The following MERTK variants were observed in gnomAD, a reference collection of about 807,000 sequenced individuals.
MERTK encodes tyrosine-protein kinase Mer.
Under a neutral mutation model 99.3 loss-of-function variants are expected in MERTK, and 69 were observed. That is an observed-to-expected ratio of 0.70 (90% CI 0.57 to 0.85). The LOEUF is 0.85. Ranked by LOEUF, MERTK falls within the 40% of genes least tolerant of loss-of-function variation. The pLI, the probability that MERTK is intolerant of heterozygous loss-of-function variation, is 0.00. For missense variants in MERTK, 1,125 were observed against 1,249.4 expected (o/e 0.90, Z 1.50); for synonymous variants, 426 against 467.6 (o/e 0.91, Z 1.15).
chr2:111,899,721 T>A (rs559538217), intron 1 of MERTK, among the ~76,000 whole-genome samples: 2 of 152,254 alleles, frequency 1.3e-5, no homozygotes, highest in South Asian at 4.1e-4. Context: ...TTTCACCATG[T>A]TGGCCAGGAT....
chr2:111,936,388 C>A (rs1196598292), intron 2 of MERTK, among the ~76,000 whole-genome samples: 1 of 149,772 alleles, frequency 6.7e-6, no homozygotes, highest in Non-Finnish European at 1.5e-5. Flanking sequence ...TAGAAGGATG[C>A]AAATGAAATT....
chr2:111,997,382 A>G lies in MERTK; in HGVS notation c.1510A>G (p.Ile504Val), dbSNP rs777433490. 2.5e-6 allele frequency: 4 copies of G among 1,614,182 alleles called. No homozygotes were observed. Among genetic ancestry groups the G allele is most frequent in the Non-Finnish European group, 3.4e-6 (4 of 1,180,014 alleles). The part of the protein sequence containing the change: ...PAPGNADPVL[I>V]IFGCFCGFIL... The stretch of plus-strand genomic sequence containing the variant: ...GCCTGGCAACGCAGATCCTGTGCTC[A>G]TCATCTTTGGCTGCTTTTGTGGATT... Residue 504 changes from isoleucine (I) to valine (V), a missense_variant, in exon 10 of 19, where the codon ATC becomes GTC. Coordinates refer to ENST00000295408, the MANE Select transcript of MERTK (RefSeq NM_006343.3).
intron 7 of MERTK, among the ~76,000 whole-genome samples, chr2:111,982,059 CT>C (rs770454654): frequency 9.7e-4 from 141 of 145,012 alleles, no homozygotes; most frequent in Middle Eastern, 7.2e-3. Context: ...ATGAAATTTC[CT>C]TTTTTTTTTT....
At chr2:111,944,289 G>C (rs947384318) in intron 2 of MERTK, among the ~76,000 whole-genome samples, 1 of 109,606 alleles carries the variant, frequency 9.1e-6, no homozygotes, top group African/African-American at 3.7e-5. Context: ...TACAGAGTGA[G>C]ACAGAATCTG....
chr2:111,934,651 CT>C (rs1227309337), intron 2 of MERTK, among the ~76,000 whole-genome samples: 1 of 150,262 alleles, frequency 6.7e-6, no homozygotes, highest in Non-Finnish European at 1.5e-5. Context: ...CAGAAATTTT[CT>C]CGCATTCTGT....
chr2:111,924,813 C>T (rs529875117), intron 1 of MERTK, among the ~76,000 whole-genome samples: 14 of 152,270 alleles, frequency 9.2e-5, no homozygotes, highest in African/African-American at 3.4e-4. Flanking sequence ...TTCCCACCAC[C>T]TTTGACCCTG....
intron 2 of MERTK, among the ~76,000 whole-genome samples, chr2:111,941,636 C>T (rs1665021536): frequency 1.3e-5 from 2 of 152,130 alleles, no homozygotes; most frequent in Admixed American, 1.3e-4. Flanking sequence ...CCTCCAGTCT[C>T]CAGCCCCACC....
intron 2 of MERTK, among the ~76,000 whole-genome samples, chr2:111,931,330 A>T (rs1282525397): frequency 1.3e-5 from 2 of 152,194 alleles, no homozygotes; most frequent in East Asian, 3.8e-4. Context: ...AGTGGCTAAG[A>T]CTGCTTAGGA....
chr2:112,028,899 C>T lies in MERTK; in HGVS notation c.*35C>T, dbSNP rs200622481. ...CGGGGAGACATTCCAAAAATCAAGC[C>T]AATTCTTCTGCTGTAGGAGAATCCA... On this transcript the variant is annotated 3_prime_UTR_variant, in exon 19 of 19. Transcript: ENST00000295408. 10 of 1,613,164 alleles carry T rather than the reference C, an allele frequency of 6.2e-6. No individual in the cohort carries two copies. In the East Asian group the frequency reaches 2.0e-4, roughly 32 times the overall value.
At chr2:111,951,521 C>CTATATATATATATATATATA (rs1280162964) in intron 4 of MERTK, among the ~76,000 whole-genome samples, 3 of 21,504 alleles carry the variant, frequency 1.4e-4, no homozygotes, top group Non-Finnish European at 2.0e-4. Context: ...AATAATATTC[C>CTATATATATATATATATATA]CATATATATA....
intron 2 of MERTK, among the ~76,000 whole-genome samples, chr2:111,938,543 T>C (rs191433686): frequency 5.1e-4 from 77 of 152,304 alleles, no homozygotes; most frequent in African/African-American, 1.8e-3. Flanking sequence ...ACATGCTGTG[T>C]GTGTATAAGA....
chr2:111,946,273 A>C (rs1370173606), intron 3 of MERTK, among the ~76,000 whole-genome samples: 2 of 152,178 alleles, frequency 1.3e-5, no homozygotes, highest in Non-Finnish European at 2.9e-5. Flanking sequence ...AGGAGATTTT[A>C]TTTGTCAGAA....
intron 3 of MERTK, among the ~76,000 whole-genome samples, chr2:111,945,974 T>C (rs1684954690): frequency 6.6e-6 from 1 of 152,208 alleles, no homozygotes; most frequent in South Asian, 2.1e-4. Flanking sequence ...GATTAGCTTT[T>C]CAGTCAGAAA....
intron 7 of MERTK, 138 bp downstream of exon 7, chr2:111,975,610 G>T: frequency 1.1e-6 from 1 of 913,204 alleles, no homozygotes; most frequent in Non-Finnish European, 1.8e-6. Flanking sequence ...TGAGGCGACT[G>T]ATGAAAATGG....
At chr2:112,016,091 G>A (rs951531654) in intron 15 of MERTK, among the ~76,000 whole-genome samples, 8 of 152,150 alleles carry the variant, frequency 5.3e-5, no homozygotes, top group Admixed American at 5.2e-4. Context: ...ATCACCCAGT[G>A]TGATTCTTCC....
intron 4 of MERTK, among the ~76,000 whole-genome samples, chr2:111,956,824 A>G (rs1685156060): frequency 6.6e-6 from 1 of 151,988 alleles, no homozygotes; most frequent in African/African-American, 2.4e-5. Context: ...GCTTTTTTCA[A>G]ATTTTTTGTA....
rs1254599867 is a variant in MERTK at position 112,003,918 on chromosome 2, G to C, written c.1801G>C (p.Val601Leu). The C allele has an allele frequency of 1.2e-6, 2 of 1,613,432 alleles. No individual in the cohort carries two copies. The highest frequency in any genetic ancestry group is 2.7e-5 in the African/African-American group (2 of 74,914). Residue 601 changes from valine to leucine, a missense_variant, in exon 13 of 19, where the codon GTA (valine) becomes CTA (leucine). By Grantham distance (32) the Val-to-Leu change is conservative (BLOSUM62 1). Coordinates refer to ENST00000295408, the MANE Select transcript of MERTK (RefSeq NM_006343.3). ...KILGEGEFGS[V>L]MEGNLKQEDG... ...TCACTTCACAGGAGAGTTTGGGTCT[G>C]TAATGGAAGGAAATCTTAAGCAGGA... is the stretch of plus-strand genomic sequence containing the variant.
Position 112,028,480 on chromosome 2 carries a change from C to T in MERTK, c.2616C>T (p.Tyr872=), listed in dbSNP as rs1286969000. 6.2e-6 allele frequency: 10 copies of T among 1,614,182 alleles called. No homozygotes were observed. Among genetic ancestry groups the T allele is most frequent in the African/African-American group, 4.0e-5 (3 of 75,030 alleles). The change falls in exon 19 of 19, where the codon TAC becomes TAT. Residue 872 remains tyrosine, a synonymous_variant. Transcript: ENST00000295408. ...PDVRNQADVI[Y]VNTQLLESSE... is the part of the protein sequence containing the mutation. ...TTCGGAACCAAGCAGACGTTATTTA[C>T]GTCAATACACAGTTGCTGGAGAGCT...
At chr2:111,956,067 T>G (rs371353673) in intron 4 of MERTK, among the ~76,000 whole-genome samples, 7 of 151,804 alleles carry the variant, frequency 4.6e-5, no homozygotes, top group African/African-American at 1.5e-4. Context: ...TGTATACATA[T>G]GTAACAAACC....
Sources: allele counts gnomAD v4.1 joint callset (sites outside exome capture counted in the v4.1 genomes callset), GRCh38; gene constraint gnomAD v4.1.1; transcripts MANE v1.5; gene names NCBI Gene and HGNC (gene_info 2026-07-23, HGNC 2026-07-21).